Variants in PTPRM observed in about 807,000 individuals in gnomAD.
PTPRM encodes the protein protein tyrosine phosphatase receptor type M.
Under a neutral mutation model 186.7 loss-of-function variants are expected in PTPRM, and 47 were observed. That is an observed-to-expected ratio of 0.25 (90% CI 0.20 to 0.32). The LOEUF (loss-of-function observed/expected upper bound fraction) is 0.32. Among genes scored for constraint, PTPRM ranks in the 10% least tolerant of loss-of-function variants. PTPRM has a pLI of 1.00. For missense variants in PTPRM, 1,494 were observed against 1,865.0 expected (o/e 0.80, Z 3.66); for synonymous variants, 668 against 674.9 (o/e 0.99, Z 0.16).
intron 7 of PTPRM, among the ~76,000 whole-genome samples, chr18:7,956,151 C>A (rs2053293535): frequency 6.6e-6 from 1 of 152,132 alleles, no homozygotes; most frequent in Non-Finnish European, 1.5e-5. Context: ...TATTTAAGTG[C>A]TCTTTTGTCT....
At chr18:7,804,189 G>A (rs1256986672) in intron 2 of PTPRM, among the ~76,000 whole-genome samples, 1 of 152,108 alleles carries the variant, frequency 6.6e-6, no homozygotes, top group East Asian at 1.9e-4. Flanking sequence ...CCCTTGTGGA[G>A]CTAAGATGTC....
intron 2 of PTPRM, among the ~76,000 whole-genome samples, chr18:7,873,579 A>G (rs2048082644): frequency 6.6e-6 from 1 of 152,196 alleles, no homozygotes; most frequent in African/African-American, 2.4e-5. Flanking sequence ...GTTCGGTAAC[A>G]ACAAGAGCAA....
At chr18:8,249,013 C>G (rs982190595) in intron 17 of PTPRM, among the ~76,000 whole-genome samples, 1 of 152,154 alleles carries the variant, frequency 6.6e-6, no homozygotes, top group Non-Finnish European at 1.5e-5. Context: ...GCATTTGAGA[C>G]GCATAAATAA....
chr18:7,706,200 C>G (rs536698449), intron 1 of PTPRM, among the ~76,000 whole-genome samples: 1 of 151,612 alleles, frequency 6.6e-6, no homozygotes, highest in Non-Finnish European at 1.5e-5. Flanking sequence ...ATTTGTTACA[C>G]GCATGAGAGT....
chr18:7,950,860 G>C lies in PTPRM; in HGVS notation c.838+1505G>C, dbSNP rs143346651. Among the ~76,000 whole-genome samples, 6 of 152,246 alleles carry C rather than the reference G, an allele frequency of 3.9e-5. No homozygotes were observed. In the East Asian group the frequency reaches 1.2e-3, roughly 29 times the overall value. On this transcript the variant is annotated intron_variant, in intron 6 of 32. Coordinates refer to ENST00000580170, the MANE Select transcript of PTPRM (RefSeq NM_001105244.2). Reference sequence around the variant, plus strand: ...GTCTGGCCACACCCATATTGAGTCAGAATATCCAGGGACACAGCCTCTGTT... The same window carrying C: ...GTCTGGCCACACCCATATTGAGTCACAATATCCAGGGACACAGCCTCTGTT...
intron 8 of PTPRM, among the ~76,000 whole-genome samples, chr18:8,075,486 G>A (rs960164267): frequency 9.9e-5 from 15 of 151,830 alleles, no homozygotes; most frequent in Non-Finnish European, 2.2e-4. Context: ...AAATAAGATA[G>A]GCATACTAGT....
intron 1 of PTPRM, among the ~76,000 whole-genome samples, chr18:7,716,115 A>G (rs939127064): frequency 1.3e-5 from 2 of 152,306 alleles, no homozygotes; most frequent in African/African-American, 4.8e-5. Context: ...AAACTATACT[A>G]CAAGTCTACA....
intron 22 of PTPRM, among the ~76,000 whole-genome samples, chr18:8,335,674 G>A (rs531810841): frequency 6.6e-6 from 1 of 152,236 alleles, no homozygotes; most frequent in African/African-American, 2.4e-5. Flanking sequence ...TTTCACTTAC[G>A]GGTTTCATCC....
intron 23 of PTPRM, among the ~76,000 whole-genome samples, chr18:8,346,078 T>G (rs182541173): frequency 6.6e-6 from 1 of 152,344 alleles, no homozygotes; most frequent in African/African-American, 2.4e-5. Context: ...TTCAATGATG[T>G]CTCTGCCGGG....
At chr18:7,571,172 C>A (rs978961388) in intron 1 of PTPRM, among the ~76,000 whole-genome samples, 4 of 152,058 alleles carry the variant, frequency 2.6e-5, no homozygotes, top group African/African-American at 9.7e-5. Context: ...AATCTCTTGA[C>A]CTTGTGATCT....
intron 1 of PTPRM, among the ~76,000 whole-genome samples, chr18:7,725,614 A>G (rs747362455): frequency 2.7e-5 from 4 of 146,534 alleles, no homozygotes; most frequent in East Asian, 1.9e-4. Context: ...GCAGCTGGAC[A>G]TCGGAGACTA....
chr18:8,095,568 T>C (rs1258763328), intron 11 of PTPRM, among the ~76,000 whole-genome samples: 1 of 151,972 alleles, frequency 6.6e-6, no homozygotes, highest in East Asian at 1.9e-4. Flanking sequence ...GGAAAAAATG[T>C]AAGGAAGAGC....
rs2052903900 is a variant in PTPRM, at chr18:7,950,878, CCT to C, written c.838+1526_838+1527del. On this transcript the variant is annotated intron_variant, in intron 6 of 32. Transcript: ENST00000580170. ...TGAGTCAGAATATCCAGGGACACAG[CCT>C]CTGTTATAAAACCTCCAATGAGTCA... Among the ~76,000 whole-genome samples, 3 of 152,164 alleles carry C rather than the reference CCT, an allele frequency of 2.0e-5. No individual in the cohort carries two copies. In the South Asian group the frequency reaches 6.2e-4, roughly 32 times the overall value.
chr18:8,398,634 G>A (rs960235665), intron 32 of PTPRM, among the ~76,000 whole-genome samples: 2 of 152,078 alleles, frequency 1.3e-5, no homozygotes, highest in African/African-American at 4.8e-5. Context: ...GCCGGGCGTG[G>A]TGGCAGGCAC....
At chr18:8,363,541 C>T (rs1165554193) in intron 23 of PTPRM, among the ~76,000 whole-genome samples, 2 of 152,210 alleles carry the variant, frequency 1.3e-5, no homozygotes, top group African/African-American at 4.8e-5. Context: ...CAAAAGATTT[C>T]TGAAGTTCTT....
intron 4 of PTPRM, among the ~76,000 whole-genome samples, chr18:7,915,733 A>G (rs950845938): frequency 1.3e-5 from 2 of 152,216 alleles, no homozygotes; most frequent in Non-Finnish European, 2.9e-5. Flanking sequence ...GAGATAATAA[A>G]GGACTGAAGG....
At chr18:7,883,295 A>G (rs2146301428) in intron 2 of PTPRM, among the ~76,000 whole-genome samples, 1 of 152,340 alleles carries the variant, frequency 6.6e-6, no homozygotes, top group South Asian at 2.1e-4. Context: ...TTGAAAATGC[A>G]TTACCTCGCA....
At chr18:8,339,056 C>T (rs956022994) in intron 22 of PTPRM, among the ~76,000 whole-genome samples, 43 of 152,080 alleles carry the variant, frequency 2.8e-4, no homozygotes, top group African/African-American at 8.4e-4. Context: ...ATTGTTGAAA[C>T]GATGATTTTT....
At chr18:7,882,122 G>C (rs2048539590) in intron 2 of PTPRM, among the ~76,000 whole-genome samples, 1 of 152,020 alleles carries the variant, frequency 6.6e-6, no homozygotes. Context: ...CATTGTTTCT[G>C]GTCCCTGACC....
Sources: allele counts gnomAD v4.1 joint callset (sites outside exome capture counted in the v4.1 genomes callset), GRCh38; gene constraint gnomAD v4.1.1; transcripts MANE v1.5; gene names NCBI Gene and HGNC (gene_info 2026-07-23, HGNC 2026-07-21).